Variants in ZBTB21 observed in about 807,000 individuals in gnomAD.
ZBTB21 encodes the protein zinc finger and BTB domain-containing protein 21.
Under a neutral mutation model 39.8 loss-of-function variants are expected in ZBTB21, and 10 were observed. The observed-to-expected ratio is 0.25, with a 90% CI of 0.16 to 0.43. ZBTB21 has a LOEUF of 0.43. Ranked by LOEUF, ZBTB21 falls within the 20% of genes least tolerant of loss-of-function variation. The pLI is 1.00. For missense variants in ZBTB21, 1,221 were observed against 1,296.3 expected (o/e 0.94, Z 0.89); for synonymous variants, 551 against 498.8 (o/e 1.10, Z -1.40).
At chr21:42,007,993 T>TA (rs1217099882) in intron 1 of ZBTB21, 4 of 152,310 alleles carry the variant, frequency 2.6e-5, no homozygotes, top group African/African-American at 9.6e-5. Flanking sequence ...TCCATCACAG[T>TA]ATATCCTCAG....
chr21:42,008,328 A>G (rs2065905311), intron 1 of ZBTB21, among the ~76,000 whole-genome samples: 1 of 124,360 alleles, frequency 8.0e-6, no homozygotes, highest in South Asian at 2.7e-4. Context: ...CAACAGGATG[A>G]AACCCCGTCT....
chr21:41,993,694 T>C lies in ZBTB21; in HGVS notation c.402A>G (p.Lys134=). The C allele has an allele frequency of 6.2e-7, 1 of 1,613,944 alleles. No individual in the cohort carries two copies. The highest frequency in any genetic ancestry group is 8.5e-7 in the Non-Finnish European group (1 of 1,179,954). ...APFPTCPNRK[K]VFVEDDENSS... ...TGTTTTCATCATCTTCTACAAACAC[T>C]TTTTTTCTATTAGGACACGTTGGAA... Residue 134 remains lysine (K), a synonymous_variant, in exon 3 of 3, where the codon AAA becomes AAG. Coordinates refer to ENST00000310826, the MANE Select transcript of ZBTB21 (RefSeq NM_001098402.2).
In ZBTB21 at chr21:41,989,805, T is replaced by C. The variant is rs1382513069; in HGVS notation, c.*1090A>G. ...GAGGCAGGAAAATGTATATGTCGTA[T>C]ATATTGTTCTTGGAAAGCATGTTGA... On this transcript the variant is annotated 3_prime_UTR_variant, in exon 3 of 3. Coordinates refer to ENST00000310826, the MANE Select transcript of ZBTB21 (RefSeq NM_001098402.2). The C allele has an allele frequency of 1.3e-5, 2 of 152,172 alleles. No individual in the cohort carries two copies. The highest frequency in any genetic ancestry group is 1.3e-4 in the Admixed American group (2 of 15,282). The allele number at this position is 152,172 out of a possible 1,614,324, so 9.4% of individuals were successfully genotyped here. A position where few individuals can be genotyped will look rare whatever the true frequency, so the allele number is the denominator to read the frequency against.
chr21:42,003,140 A>T (rs542110579), intron 1 of ZBTB21, among the ~76,000 whole-genome samples, 179 bp from the exon 2 acceptor site: 6 of 152,382 alleles, frequency 3.9e-5, no homozygotes, highest in South Asian at 4.1e-4. Flanking sequence ...CCTGTTAAAC[A>T]TGGCTAACAC....
In ZBTB21 at chr21:41,987,634, G is replaced by C. The variant is rs572694021; in HGVS notation, c.*3261C>G. 1.3e-5 allele frequency: 2 copies of C among 152,020 alleles called. No individual in the cohort carries two copies. Among genetic ancestry groups the C allele is most frequent in the African/African-American group, 4.8e-5 (2 of 41,356 alleles). The allele number at this position is 152,020 out of a possible 1,614,324, so 9.4% of individuals were successfully genotyped here. On this transcript the variant is annotated 3_prime_UTR_variant, in exon 3 of 3. Coordinates refer to ENST00000310826, the MANE Select transcript of ZBTB21 (RefSeq NM_001098402.2). The stretch of plus-strand genomic sequence containing the variant: ...TACAATTTATACAGAAATCTATTTG[G>C]AATTATACCTAATTACTTTTTACTA...
chr21:42,007,903 A>G (rs1042888637), intron 1 of ZBTB21: 1 of 152,106 alleles, frequency 6.6e-6, no homozygotes, highest in Admixed American at 6.5e-5. Context: ...GACTTTAATC[A>G]CTACTGGACG....
Position 42,003,133 on chromosome 21 carries a change from G to A in ZBTB21, c.-78-172C>T, listed in dbSNP as rs912676511. On this transcript the variant is annotated intron_variant, in intron 1 of 2. Transcript: ENST00000310826. ...ACCTTTCTGACTAGTTTCCTTACCT[G>A]TTAAACATGGCTAACACTACCCACC... Among the ~76,000 whole-genome samples the A allele has an allele frequency of 6.6e-5, 10 of 152,360 alleles. 1 individual carries two copies. The East Asian group carries it at 1.9e-3, about 29-fold the overall frequency.
Position 41,994,060 on chromosome 21 carries a change from G to A in ZBTB21, c.36C>T (p.His12=), listed in dbSNP as rs146550157. The A allele has an allele frequency of 6.0e-4, 966 of 1,608,156 alleles. 7 individuals carry two copies. In the African/African-American group the frequency reaches 0.01, roughly 17 times the overall value. The change falls in exon 3 of 3, where the codon CAC becomes CAT. Residue 12 remains histidine (H), a synonymous_variant. Coordinates refer to ENST00000310826, the MANE Select transcript of ZBTB21 (RefSeq NM_001098402.2). Reference sequence around the variant, plus strand: ...TCAGGGCACTTAGGAGAGAAATGGCGTGTGCAGGGTTGATGTAATGCAGTA... The same window carrying A: ...TCAGGGCACTTAGGAGAGAAATGGCATGTGCAGGGTTGATGTAATGCAGTA... ...EGLLHYINPA[H]AISLLSALNE...
At chr21:42,008,020 A>G (rs1601660781) in intron 1 of ZBTB21, 1 of 152,104 alleles carries the variant, frequency 6.6e-6, no homozygotes, top group Non-Finnish European at 1.5e-5. Context: ...CATGGTACTT[A>G]AACTCCACAA....
rs779238448 is a variant in ZBTB21, at chr21:41,992,359, G to C, written c.1737C>G (p.Ile579Met). The change falls in exon 3 of 3, where the codon ATC becomes ATG. Residue 579 changes from isoleucine (I) to methionine (M), a missense_variant. Transcript: ENST00000310826. The surrounding 1 kb of genome is among the most constrained non-coding windows in gnomAD (Gnocchi z 4.1). ...AGTTGGTGTGAAACCTCTTGTGACA[G>C]ATGTCACAAGCGTAGGGCTTTTCTG... ...HNPEKPYACD[I>M]CHKRFHTNFK... 3 of 1,614,234 alleles carry C rather than the reference G, an allele frequency of 1.9e-6. No individual in the cohort carries two copies. The Admixed American group carries it at 5.0e-5, about 27-fold the overall frequency.
chr21:41,991,789 C>T lies in ZBTB21; in HGVS notation c.2307G>A (p.Lys769=), dbSNP rs1371363162. 4.3e-6 allele frequency: 7 copies of T among 1,614,122 alleles called. No individual in the cohort carries two copies. In the South Asian group the frequency reaches 5.5e-5, roughly 13 times the overall value. ...SPELKQEHES[K]CEYKKLTCLE... is the part of the protein sequence containing the mutation. Reference sequence around the variant, plus strand: ...GGCAGGTCAGCTTCTTATACTCACACTTGCTCTCGTGTTCTTGCTTCAGCT... The same window carrying T: ...GGCAGGTCAGCTTCTTATACTCACATTTGCTCTCGTGTTCTTGCTTCAGCT... The change falls in exon 3 of 3, where the codon AAG becomes AAA. Residue 769 remains lysine (K), a synonymous_variant. Coordinates refer to ENST00000310826, the MANE Select transcript of ZBTB21 (RefSeq NM_001098402.2). This position sits in a 1 kb window ranked among gnomAD's most constrained non-coding sequence, Gnocchi z 4.9.
intron 2 of ZBTB21, among the ~76,000 whole-genome samples, chr21:42,000,382 G>A (rs1469178882): frequency 3.3e-5 from 5 of 152,038 alleles, no homozygotes; most frequent in Non-Finnish European, 7.4e-5. Flanking sequence ...CTGAATCCTT[G>A]TCTTGGGGTC....
In ZBTB21 at chr21:41,990,065, T is replaced by C. The variant is rs2065630380; in HGVS notation, c.*830A>G. 6.6e-6 allele frequency: 1 copy of C among 152,224 alleles called. No homozygotes were observed. Among genetic ancestry groups the C allele is most frequent in the Non-Finnish European group, 1.5e-5 (1 of 68,026 alleles). The allele number at this position is 152,224 out of a possible 1,614,324, so 9.4% of individuals were successfully genotyped here. A position where few individuals can be genotyped will look rare whatever the true frequency, so the allele number is the denominator to read the frequency against. ...AGCATAAATCAGAGGAAATGAAATA[T>C]GTGCAGTCCTTCAAATGCTGGTCTG... On this transcript the variant is annotated 3_prime_UTR_variant, in exon 3 of 3. Coordinates refer to ENST00000310826, the MANE Select transcript of ZBTB21 (RefSeq NM_001098402.2).
Position 41,992,661 on chromosome 21 carries a change from T to C in ZBTB21, c.1435A>G (p.Arg479Gly). 6.2e-7 allele frequency: 1 copy of C among 1,614,160 alleles called. No homozygotes were observed. The highest frequency in any genetic ancestry group is 8.5e-7 in the Non-Finnish European group (1 of 1,179,994). Residue 479 changes from arginine (R) to glycine (G), a missense_variant, in exon 3 of 3, where the codon AGA becomes GGA. Physicochemically the swap from Arg to Gly is moderately radical, Grantham distance 125 (BLOSUM62 -2). Transcript: ENST00000310826. The surrounding 1 kb of genome is among the most constrained non-coding windows in gnomAD (Gnocchi z 4.1). ...KTEDDQKDMS[R>G]LPAKRRFQAD... ...TGGAACCTCCTTTTTGCTGGGAGTCTGCTCATGTCTTTTTGGTCATCTTCT... is the reference window on the plus strand; with the variant it reads ...TGGAACCTCCTTTTTGCTGGGAGTCCGCTCATGTCTTTTTGGTCATCTTCT...
intron 2 of ZBTB21, among the ~76,000 whole-genome samples, chr21:42,000,816 A>G (rs973955204): frequency 1.3e-5 from 2 of 152,218 alleles, no homozygotes; most frequent in Admixed American, 1.3e-4. Context: ...TTGGGGATTT[A>G]AAACTTAACT....
intron 1 of ZBTB21, chr21:42,007,980 G>A (rs1395912422): frequency 6.6e-6 from 1 of 152,114 alleles, no homozygotes; most frequent in East Asian, 1.9e-4. Context: ...CCTACTGAAC[G>A]GTTCCATCAC....
At chr21:42,006,287 C>T (rs1416162081) in intron 1 of ZBTB21, among the ~76,000 whole-genome samples, 3 of 151,848 alleles carry the variant, frequency 2.0e-5, no homozygotes, top group Non-Finnish European at 2.9e-5. Flanking sequence ...TGGTGACGGG[C>T]GCCTGTAATC....
intron 2 of ZBTB21, among the ~76,000 whole-genome samples, chr21:42,000,265 A>T (rs2065802033): frequency 6.6e-6 from 1 of 152,208 alleles, no homozygotes; most frequent in Non-Finnish European, 1.5e-5. Context: ...ACACGTGAGC[A>T]GCAACCTGTT....
intron 1 of ZBTB21, among the ~76,000 whole-genome samples, chr21:42,003,692 G>A (rs1193795075): frequency 6.6e-6 from 1 of 152,180 alleles, no homozygotes; most frequent in East Asian, 1.9e-4. Flanking sequence ...GGTATAATGA[G>A]AATATTTCAA....
Sources: gnomAD v4.1 joint callset for allele counts (sites outside exome capture counted in the v4.1 genomes callset) on GRCh38, gnomAD v4.1.1 for gene constraint, Gnocchi (gnomAD v3.1) non-coding constraint, MANE v1.5 for transcripts, NCBI Gene and HGNC (gene_info 2026-07-23, HGNC 2026-07-21) for gene names.